Variants in DSP observed in about 807,000 individuals in gnomAD.
The protein encoded by DSP is 250/210 kDa paraneoplastic pemphigus antigen.
DSP carries 114 observed loss-of-function variants against 290.6 expected under a neutral mutation model. That is an observed-to-expected ratio of 0.39 (90% CI 0.34 to 0.46). The LOEUF is 0.46. Ranked by LOEUF, DSP falls within the 20% of genes least tolerant of loss-of-function variation. DSP has a pLI of 0.99. For synonymous variants in DSP, 1,311 were observed against 1,316.4 expected (o/e 1.00, Z 0.09); for missense variants, 3,230 against 3,495.8 (o/e 0.92, Z 1.92).
intron 2 of DSP, 148 bp downstream of exon 2, chr6:7,555,968 A>T (rs1393052490): frequency 1.4e-6 from 1 of 734,798 alleles, no homozygotes; most frequent in African/African-American, 1.7e-5. Flanking sequence ...CTACAGAGAG[A>T]TGTGTGTCTT....
chr6:7,585,007 T>G lies in DSP; in HGVS notation c.7745T>G (p.Phe2582Cys), dbSNP rs751712837. Residue 2582 changes from phenylalanine (F) to cysteine (C), a missense_variant, in exon 24 of 24, where the codon TTT becomes TGT. By Grantham distance (205) the Phe-to-Cys change is radical. This residue lies in a region of DSP where 582 missense variants were observed against 555.4 expected (regional missense o/e 1.05). Transcript: ENST00000379802. ...GGCAGTGGTGTCAGCGATGATGTTT[T>G]TAGCAGCTCCCGACATGAATCAGTA... is the stretch of plus-strand genomic sequence containing the variant. ...SMGSGVSDDVFSSSRHESVSK... is the reference protein window; with the variant it reads ...SMGSGVSDDVCSSSRHESVSK... The G allele has an allele frequency of 1.3e-5, 21 of 1,614,094 alleles. No individual in the cohort carries two copies. The African/African-American group carries it at 1.9e-4, about 14-fold the overall frequency.
chr6:7,570,642 CCTT>C lies in DSP; in HGVS notation c.1701+83_1701+85del, dbSNP rs143479667. 3.8e-4 allele frequency: 614 copies of C among 1,595,246 alleles called. 1 individual carries two copies. In the African/African-American group the frequency reaches 7.2e-3, roughly 19 times the overall value. ...GCAGTGCCTGTGTCCAACAGTTCAA[CCTT>C]CTTGCTGTGTAGCAGTGCTTTTGTG... On this transcript the variant is annotated intron_variant, in intron 13 of 23. Coordinates refer to ENST00000379802, the MANE Select transcript of DSP (RefSeq NM_004415.4).
intron 5 of DSP, among the ~76,000 whole-genome samples, 158 bp from the exon 6 acceptor site, chr6:7,563,578 A>C (rs1380484467): frequency 1.3e-5 from 2 of 152,128 alleles, no homozygotes; most frequent in Non-Finnish European, 2.9e-5. Flanking sequence ...CCTAGGAAAA[A>C]GTCCCCATGG....
chr6:7,569,208 A>G lies in DSP; in HGVS notation c.1442A>G (p.Glu481Gly). 1.2e-6 allele frequency: 2 copies of G among 1,614,228 alleles called. No homozygotes were observed. The highest frequency in any genetic ancestry group is 2.7e-5 in the African/African-American group (2 of 75,052). ...CAGAAAATCGTGCATAAGGGGGATG[A>G]GTGTATCCTGAAGGACAACAACGAG... is the stretch of plus-strand genomic sequence containing the variant. ...QDQKIVHKGD[E>G]CILKDNNERS... is the part of the protein sequence containing the mutation. Residue 481 changes from glutamate (E) to glycine (G), a missense_variant, in exon 12 of 24, where the codon GAG (glutamate) becomes GGG (glycine). Coordinates refer to ENST00000379802, the MANE Select transcript of DSP (RefSeq NM_004415.4).
chr6:7,547,993 GGC>G (rs1491137175), intron 1 of DSP, among the ~76,000 whole-genome samples: 2 of 152,090 alleles, frequency 1.3e-5, no homozygotes, highest in Non-Finnish European at 2.9e-5. Flanking sequence ...ATTTCTGCCG[GGC>G]GCGGTGGCTC....
intron 13 of DSP, 117 bp from the exon 14 acceptor site, chr6:7,571,266 C>T (rs1040083120): frequency 3.2e-6 from 3 of 935,934 alleles, no homozygotes; most frequent in Non-Finnish European, 5.3e-6. Flanking sequence ...CTTAATGAGC[C>T]TGTGATGAGT....
intron 1 of DSP, among the ~76,000 whole-genome samples, chr6:7,547,421 T>TTTTGTTTG (rs574938920): frequency 6.6e-6 from 1 of 151,818 alleles, no homozygotes; most frequent in African/African-American, 2.4e-5. Context: ...TGGAATTACA[T>TTTTGTTTG]TTTGTTTGTT....
intron 1 of DSP, among the ~76,000 whole-genome samples, chr6:7,545,432 C>T (rs1392623863): frequency 3.3e-5 from 5 of 152,188 alleles, no homozygotes; most frequent in African/African-American, 9.7e-5. Flanking sequence ...GGCCTGAGGA[C>T]CCAAGGATCC....
At chr6:7,578,275 T>G (rs1240922192) in intron 21 of DSP, among the ~76,000 whole-genome samples, 189 bp from the exon 22 acceptor site, 1 of 152,222 alleles carries the variant, frequency 6.6e-6, no homozygotes, top group African/African-American at 2.4e-5. Context: ...CCTGGAGAGA[T>G]GAGAATGGGA....
At position 7,571,462 on chromosome 6, in the gene DSP, G is replaced by T. The variant is rs779288506; in HGVS notation, c.1781G>T (p.Ser594Ile). 6.2e-7 allele frequency: 1 copy of T among 1,614,178 alleles called. No homozygotes were observed. The highest frequency in any genetic ancestry group is 1.1e-5 in the South Asian group (1 of 91,068). ...ELHYQEFIRNSQGSEMFGDDD... is the reference protein window; with the variant it reads ...ELHYQEFIRNIQGSEMFGDDD... The stretch of plus-strand genomic sequence containing the variant: ...CATTACCAAGAGTTCATCAGAAATA[G>T]CCAAGGCTCAGAGATGTTTGGAGAT... Residue 594 changes from serine (S) to isoleucine (I), a missense_variant, in exon 14 of 24, where the codon AGC (serine) becomes ATC (isoleucine). Around this residue, in one of 5 missense-constraint regions of DSP, gnomAD observed 81 missense variants for 130.5 expected, o/e 0.62. Transcript: ENST00000379802.
At chr6:7,566,172 A>C (rs1758857642) in intron 7 of DSP, among the ~76,000 whole-genome samples, 1 of 152,132 alleles carries the variant, frequency 6.6e-6, no homozygotes, top group African/African-American at 2.4e-5. Flanking sequence ...TGTCATCTTG[A>C]GTAAGCCTCT....
Position 7,585,729 on chromosome 6 carries a change from CCGGGGTCCCGCTCCGGCTCCCGCT to C in DSP, c.8472_8495del (p.Ser2839_Arg2846del), listed in dbSNP as rs1267022420. ...CAGCCCTTACAACATGTCTTCGGCT[CCGGGGTCCCGCTCCGGCTCCCGCT>C]CGGGATCTCGCTCCGGATCTCGCTC... On this transcript the variant is annotated inframe_deletion, in exon 24 of 24. Transcript: ENST00000379802. 6.2e-7 allele frequency: 1 copy of C among 1,612,342 alleles called. No individual in the cohort carries two copies. Among genetic ancestry groups the C allele is most frequent in the East Asian group, 2.2e-5 (1 of 44,844 alleles).
At chr6:7,559,503 G>A (rs1295586364) in intron 4 of DSP, 103 bp downstream of exon 4, 2 of 1,457,558 alleles carry the variant, frequency 1.4e-6, no homozygotes, top group African/African-American at 2.8e-5. Flanking sequence ...TAGACCTCAG[G>A]TGGCGGCAGC....
rs754404501 is a variant in DSP at position 7,581,251 on chromosome 6, G to C, written c.5061G>C (p.Lys1687Asn). Reference protein sequence around the residue: ...QAHLRNEHFQKAIEDKSRSLN... With the variant: ...QAHLRNEHFQNAIEDKSRSLN... Reference sequence around the variant, plus strand: ...ACTTGAGGAATGAGCATTTCCAGAAGGCGATAGAAGATAAAAGCAGAAGCT... The same window carrying C: ...ACTTGAGGAATGAGCATTTCCAGAACGCGATAGAAGATAAAAGCAGAAGCT... Residue 1687 changes from lysine to asparagine, a missense_variant, in exon 23 of 24, where the codon AAG becomes AAC. By Grantham distance (94) the Lys-to-Asn change is moderately conservative (BLOSUM62 0). Coordinates refer to ENST00000379802, the MANE Select transcript of DSP (RefSeq NM_004415.4). 1.2e-6 allele frequency: 2 copies of C among 1,614,158 alleles called. No homozygotes were observed. Among genetic ancestry groups the C allele is most frequent in the African/African-American group, 2.7e-5 (2 of 75,054 alleles).
chr6:7,576,999 A>T lies in DSP; in HGVS notation c.2834A>T (p.Glu945Val). 1 of 1,613,018 alleles carries T rather than the reference A, an allele frequency of 6.2e-7. No homozygotes were observed. Among genetic ancestry groups the T allele is most frequent in the Non-Finnish European group, 8.5e-7 (1 of 1,179,532 alleles). Residue 945 changes from glutamate (E) to valine (V), a missense_variant, in exon 20 of 24, where the codon GAG (glutamate) becomes GTG (valine). This residue lies in a region of DSP where 1,714 missense variants were observed against 1,844.5 expected (regional missense o/e 0.93). Transcript: ENST00000379802. Reference sequence around the variant, plus strand: ...ATATCTGGCAAACGAGACAAATCAGAGGAAGTACAAAAAATTGCTGAACTT... The same window carrying T: ...ATATCTGGCAAACGAGACAAATCAGTGGAAGTACAAAAAATTGCTGAACTT... ...SEISGKRDKS[E>V]EVQKIAELCA...
intron 20 of DSP, 77 bp downstream of exon 20, chr6:7,577,119 A>G: frequency 2.5e-6 from 3 of 1,198,704 alleles, no homozygotes; most frequent in Non-Finnish European, 3.6e-6. Flanking sequence ...TTTGTTGTAA[A>G]GCGTATACAC....
intron 5 of DSP, among the ~76,000 whole-genome samples, 157 bp downstream of exon 5, chr6:7,562,937 A>T (rs750753446): frequency 6.6e-6 from 1 of 152,224 alleles, no homozygotes; most frequent in Non-Finnish European, 1.5e-5. Flanking sequence ...GGGGAAGTGG[A>T]ATCAGTAGCC....
At chr6:7,564,096 C>T (rs181267685) in intron 6 of DSP, among the ~76,000 whole-genome samples, 3 of 152,308 alleles carry the variant, frequency 2.0e-5, no homozygotes, top group Non-Finnish European at 2.9e-5. Context: ...CTGCGCCCGG[C>T]CTAAAAGTTG....
intron 9 of DSP, 33 bp from the exon 10 acceptor site, chr6:7,567,748 T>G: frequency 6.2e-7 from 1 of 1,613,604 alleles, no homozygotes; most frequent in African/African-American, 1.3e-5. Flanking sequence ...ATTGAGTTGC[T>G]GTTCATTCAC....
Sources: allele counts gnomAD v4.1 joint callset (sites outside exome capture counted in the v4.1 genomes callset), GRCh38; gene constraint gnomAD v4.1.1; regional missense constraint gnomAD v4.1.1; transcripts MANE v1.5; gene names NCBI Gene and HGNC (gene_info 2026-07-23, HGNC 2026-07-21).